The following AHCYL2 variants were observed in gnomAD, a reference collection of about 807,000 sequenced individuals.
AHCYL2 encodes the protein adenosylhomocysteinase like 2.
In AHCYL2, 28 loss-of-function variants were observed where a neutral mutation model predicts 81.4. That is an observed-to-expected ratio of 0.34 (90% CI 0.25 to 0.47). AHCYL2 has a LOEUF of 0.47. Ranked by LOEUF, AHCYL2 falls within the 20% of genes least tolerant of loss-of-function variation. The pLI is 1.00. For missense variants in AHCYL2, 551 were observed against 785.1 expected (o/e 0.70, Z 3.56); for synonymous variants, 272 against 290.2 (o/e 0.94, Z 0.64).
At chr7:129,240,808 A>T (rs968913849) in intron 1 of AHCYL2, among the ~76,000 whole-genome samples, 1 of 152,146 alleles carries the variant, frequency 6.6e-6, no homozygotes, top group Non-Finnish European at 1.5e-5. Flanking sequence ...GGAGGAACTC[A>T]TACTGAGTCC....
intron 1 of AHCYL2, among the ~76,000 whole-genome samples, chr7:129,261,199 T>C (rs1795625872): frequency 6.6e-6 from 1 of 152,266 alleles, no homozygotes; most frequent in Non-Finnish European, 1.5e-5. Flanking sequence ...TATGTTCAGA[T>C]ATTTGATCTT....
At chr7:129,310,057 C>T (rs1388335514) in intron 1 of AHCYL2, among the ~76,000 whole-genome samples, 1 of 151,972 alleles carries the variant, frequency 6.6e-6, no homozygotes, top group Admixed American at 6.6e-5. Flanking sequence ...TTAGCTCTTC[C>T]CATTTTAGAT....
At chr7:129,269,650 T>TGTCTTGAACTCCTCGGCTC (rs1314654237) in intron 1 of AHCYL2, among the ~76,000 whole-genome samples, 1 of 152,046 alleles carries the variant, frequency 6.6e-6, no homozygotes, top group Non-Finnish European at 1.5e-5. Context: ...TGCCTAGGCT[T>TGTCTTGAACTCCTCGGCTC]GTCTTGAACT....
At chr7:129,354,089 G>C (rs1793658244) in intron 1 of AHCYL2, among the ~76,000 whole-genome samples, 1 of 152,152 alleles carries the variant, frequency 6.6e-6, no homozygotes. Context: ...ATAATAGATT[G>C]AGGACTGAAT....
At chr7:129,377,301 C>T (rs554764612) in intron 1 of AHCYL2, among the ~76,000 whole-genome samples, 1 of 152,132 alleles carries the variant, frequency 6.6e-6, no homozygotes, top group Non-Finnish European at 1.5e-5. Flanking sequence ...GAATAAATTG[C>T]TAGTTGAGCA....
Position 129,406,602 on chromosome 7 carries a change from A to G in AHCYL2, c.1295+136A>G. On this transcript the variant is annotated intron_variant, in intron 10 of 16. Transcript: ENST00000325006. The surrounding 1 kb of genome is among the most constrained non-coding windows in gnomAD (Gnocchi z 4.3). ...CACTAACTCTAAGCATCTGTCTTTT[A>G]AAAAGGTCAAGGAGCTCTGCTTGGA... 2.4e-6 allele frequency: 2 copies of G among 850,898 alleles called. No individual in the cohort carries two copies. Among genetic ancestry groups the G allele is most frequent in the Non-Finnish European group, 3.8e-6 (2 of 525,542 alleles). 52.7% of individuals were successfully genotyped at this position (850,898 alleles called of 1,614,324 possible).
chr7:129,401,229 C>T (rs531343106), intron 6 of AHCYL2, among the ~76,000 whole-genome samples: 32 of 152,148 alleles, frequency 2.1e-4, no homozygotes, highest in African/African-American at 7.2e-4. Context: ...GGCTGGGACT[C>T]CTAAGTGGGA....
chr7:129,362,358 T>A (rs190314982), intron 1 of AHCYL2, among the ~76,000 whole-genome samples: 1 of 152,252 alleles, frequency 6.6e-6, no homozygotes, highest in East Asian at 1.9e-4. Flanking sequence ...ACTGAGGAAC[T>A]GATAAGTAAG....
chr7:129,289,383 C>T (rs1157277073), intron 1 of AHCYL2, among the ~76,000 whole-genome samples: 2 of 152,222 alleles, frequency 1.3e-5, no homozygotes, highest in African/African-American at 2.4e-5. Flanking sequence ...CAAGCCACCT[C>T]GTCCAACCTG....
intron 12 of AHCYL2, 86 bp downstream of exon 12, chr7:129,413,774 C>A: frequency 9.3e-7 from 1 of 1,077,266 alleles, no homozygotes; most frequent in Non-Finnish European, 1.4e-6. Context: ...GGTCACAAGC[C>A]ATCCTAAACA....
At chr7:129,404,902 T>C (rs1469772468) in intron 7 of AHCYL2, among the ~76,000 whole-genome samples, 195 bp from the exon 8 acceptor site, 1 of 152,278 alleles carries the variant, frequency 6.6e-6, no homozygotes, top group East Asian at 1.9e-4. Context: ...TTGAATAAAA[T>C]CTTTATTGTG....
intron 1 of AHCYL2, among the ~76,000 whole-genome samples, chr7:129,336,752 C>T (rs901415147): frequency 9.9e-5 from 15 of 151,920 alleles, no homozygotes; most frequent in Non-Finnish European, 1.8e-4. Context: ...ATTAATAAAA[C>T]GTAATTTTTT....
At chr7:129,321,743 G>GTTT in intron 1 of AHCYL2, among the ~76,000 whole-genome samples, 22 of 77,602 alleles carry the variant, frequency 2.8e-4, no homozygotes, top group African/African-American at 6.4e-4. Flanking sequence ...TTCTTTCTTT[G>GTTT]TTTTTTTTTT....
chr7:129,343,884 C>A (rs1271486036), intron 1 of AHCYL2, among the ~76,000 whole-genome samples: 2 of 151,988 alleles, frequency 1.3e-5, no homozygotes, highest in Admixed American at 6.6e-5. Context: ...AAAATATTCA[C>A]AATACATATA....
chr7:129,286,916 T>G (rs1259624439), intron 1 of AHCYL2, among the ~76,000 whole-genome samples: 4 of 152,196 alleles, frequency 2.6e-5, no homozygotes, highest in Non-Finnish European at 4.4e-5. Flanking sequence ...CATGTGTTAT[T>G]TATTTTAAAT....
At chr7:129,341,644 T>C (rs986363979) in intron 1 of AHCYL2, among the ~76,000 whole-genome samples, 5 of 151,646 alleles carry the variant, frequency 3.3e-5, no homozygotes, top group East Asian at 1.9e-4. Flanking sequence ...GCTGGCAGGG[T>C]GGTGATGGAG....
At chr7:129,391,198 T>C (rs1215427108) in intron 4 of AHCYL2, among the ~76,000 whole-genome samples, 1 of 152,228 alleles carries the variant, frequency 6.6e-6, no homozygotes, top group East Asian at 1.9e-4. Flanking sequence ...TTGCCATGAT[T>C]TTCTGAAATA....
At chr7:129,271,271 G>T (rs1366874549) in intron 1 of AHCYL2, among the ~76,000 whole-genome samples, 1 of 147,250 alleles carries the variant, frequency 6.8e-6, no homozygotes, top group Non-Finnish European at 1.5e-5. Flanking sequence ...TAAGGCAGAA[G>T]AATGGCGTGA....
intron 1 of AHCYL2, among the ~76,000 whole-genome samples, chr7:129,257,773 G>T (rs899685596): frequency 3.8e-4 from 58 of 152,060 alleles, no homozygotes; most frequent in African/African-American, 1.4e-3. Flanking sequence ...TTATACCTCA[G>T]TTTGAAGTAA....
Sources: allele counts gnomAD v4.1 joint callset (sites outside exome capture counted in the v4.1 genomes callset), GRCh38; gene constraint gnomAD v4.1.1; non-coding constraint Gnocchi (gnomAD v3.1); transcripts MANE v1.5; gene names NCBI Gene and HGNC (gene_info 2026-07-23, HGNC 2026-07-21).